The following RPS6KC1 variants were observed in gnomAD, a reference collection of about 807,000 sequenced individuals.
The protein encoded by RPS6KC1 is inactive ribosomal protein S6 kinase delta-1.
RPS6KC1 carries 54 observed loss-of-function variants against 103.8 expected under a neutral mutation model. The observed-to-expected ratio is 0.52, with a 90% CI of 0.42 to 0.65. The LOEUF (loss-of-function observed/expected upper bound fraction) is 0.65, where lower values mean the gene tolerates loss of function less well. Among genes scored for constraint, RPS6KC1 ranks in the 30% least tolerant of loss-of-function variants. RPS6KC1 has a pLI of 0.00. For missense variants in RPS6KC1, 1,151 were observed against 1,253.8 expected, an observed-to-expected ratio of 0.92 and a Z score of 1.24; for synonymous variants, 439 against 438.7, an observed-to-expected ratio of 1.00 and a Z score of -0.01.
chr1:213,084,394 C>T (rs528033745), intron 3 of RPS6KC1, among the ~76,000 whole-genome samples: 71 of 152,256 alleles, frequency 4.7e-4, no homozygotes, highest in African/African-American at 1.7e-3. Flanking sequence ...TTTAGCCTCC[C>T]TAAGTGCTGG....
At chr1:213,084,819 T>C (rs1025825267) in intron 3 of RPS6KC1, among the ~76,000 whole-genome samples, 3 of 152,228 alleles carry the variant, frequency 2.0e-5, no homozygotes, top group African/African-American at 7.2e-5. Context: ...TTAGGTTCTC[T>C]GATGTTTTCT....
chr1:213,502,331 T>G, the RPS6KC1 span, among the ~76,000 whole-genome samples: 4 of 152,150 alleles, frequency 2.6e-5, no homozygotes, highest in African/African-American at 9.7e-5. Flanking sequence ...GAAAAATATT[T>G]GTGTCATATA....
the RPS6KC1 span, among the ~76,000 whole-genome samples, chr1:213,655,810 G>A: frequency 1.8e-3 from 275 of 152,116 alleles, 2 homozygotes; most frequent in African/African-American, 6.5e-3. Context: ...ACAGTAGCTG[G>A]GTTAAATCTA....
the RPS6KC1 span, among the ~76,000 whole-genome samples, chr1:213,852,632 A>G: frequency 1.3e-5 from 2 of 152,238 alleles, no homozygotes; most frequent in South Asian, 4.1e-4. Flanking sequence ...CCAAAACTAC[A>G]TTTCTTTATT....
At chr1:213,131,185 G>T (rs2085563921) in intron 6 of RPS6KC1, among the ~76,000 whole-genome samples, 2 of 152,038 alleles carry the variant, frequency 1.3e-5, no homozygotes, top group South Asian at 4.1e-4. Context: ...AGCAATAAGA[G>T]GAGATGGAGT....
the RPS6KC1 span, among the ~76,000 whole-genome samples, chr1:213,682,499 C>A: frequency 1.3e-5 from 2 of 152,126 alleles, no homozygotes; most frequent in Non-Finnish European, 2.9e-5. Flanking sequence ...GGGTTATCCA[C>A]AAATTAAGAG....
chr1:213,648,716 G>A, the RPS6KC1 span, among the ~76,000 whole-genome samples: 1 of 152,022 alleles, frequency 6.6e-6, no homozygotes, highest in South Asian at 2.1e-4. Flanking sequence ...TAGTTTTCTT[G>A]TTAATGTCCT....
At chr1:213,254,963 T>G (rs1222296306) in intron 12 of RPS6KC1, among the ~76,000 whole-genome samples, 1 of 151,922 alleles carries the variant, frequency 6.6e-6, no homozygotes, top group Non-Finnish European at 1.5e-5. Context: ...GAAAAATGTT[T>G]TGAAAATTGG....
At chr1:213,749,831 G>A in the RPS6KC1 span, among the ~76,000 whole-genome samples, 2 of 152,214 alleles carry the variant, frequency 1.3e-5, no homozygotes, top group Non-Finnish European at 2.9e-5. Context: ...ATGGTGCTAT[G>A]AGACGAGCGA....
At chr1:213,843,920 C>T in the RPS6KC1 span, among the ~76,000 whole-genome samples, 1 of 151,118 alleles carries the variant, frequency 6.6e-6, no homozygotes, top group South Asian at 2.1e-4. Context: ...AAACTATGAC[C>T]CAATGTCAGA....
the RPS6KC1 span, among the ~76,000 whole-genome samples, chr1:213,418,222 G>A: frequency 6.6e-6 from 1 of 152,186 alleles, no homozygotes; most frequent in Non-Finnish European, 1.5e-5. Flanking sequence ...CAGGGTTTTT[G>A]TGAGGATGAA....
chr1:213,461,923 A>T, the RPS6KC1 span, among the ~76,000 whole-genome samples: 6 of 152,246 alleles, frequency 3.9e-5, no homozygotes, highest in Non-Finnish European at 7.3e-5. Context: ...GACAAATGGG[A>T]TCTCATTAAA....
At chr1:213,260,547 G>C (rs1257933543) in intron 12 of RPS6KC1, among the ~76,000 whole-genome samples, 1 of 152,100 alleles carries the variant, frequency 6.6e-6, no homozygotes, top group Non-Finnish European at 1.5e-5. Context: ...CTAGGCACCT[G>C]AGTACCACTT....
chr1:213,339,890 C>A, the RPS6KC1 span, among the ~76,000 whole-genome samples: 1 of 152,026 alleles, frequency 6.6e-6, no homozygotes, highest in African/African-American at 2.4e-5. Context: ...CATTCTGAGG[C>A]TGCCTTTTTT....
the RPS6KC1 span, among the ~76,000 whole-genome samples, chr1:213,825,961 C>T: frequency 6.6e-6 from 1 of 152,094 alleles, no homozygotes; most frequent in Non-Finnish European, 1.5e-5. Flanking sequence ...CGGGAAGGGG[C>T]TAATTGTATA....
At chr1:213,531,962 G>T in the RPS6KC1 span, among the ~76,000 whole-genome samples, 1 of 152,152 alleles carries the variant, frequency 6.6e-6, no homozygotes, top group Non-Finnish European at 1.5e-5. Context: ...AGAGGCTGGT[G>T]CTTGGAGAGT....
chr1:213,154,987 C>T (rs982614252), intron 6 of RPS6KC1, among the ~76,000 whole-genome samples: 4 of 152,180 alleles, frequency 2.6e-5, no homozygotes, highest in African/African-American at 9.7e-5. Flanking sequence ...GCTGCCAGCA[C>T]GAAGTCCTTT....
intron 1 of RPS6KC1, among the ~76,000 whole-genome samples, chr1:213,055,372 T>A (rs911766423): frequency 6.6e-6 from 1 of 152,202 alleles, no homozygotes; most frequent in Non-Finnish European, 1.5e-5. Flanking sequence ...TTATTTGAGA[T>A]TTATCCATGT....
chr1:213,748,960 G>C, the RPS6KC1 span, among the ~76,000 whole-genome samples: 1 of 152,200 alleles, frequency 6.6e-6, no homozygotes, highest in Admixed American at 6.5e-5. Flanking sequence ...ACCCTCCGCA[G>C]TGTTGGCTAT....
Sources: gnomAD v4.1 joint callset for allele counts (sites outside exome capture counted in the v4.1 genomes callset) on GRCh38, gnomAD v4.1.1 for gene constraint, MANE v1.5 for transcripts, NCBI Gene and HGNC (gene_info 2026-07-23, HGNC 2026-07-21) for gene names.